DCAF8L2: variants seen among roughly 807,000 people sequenced by gnomAD.
DCAF8L2 encodes the protein DDB1 and CUL4 associated factor 8 like 2.
For missense variants in DCAF8L2, 430 were observed against 490.7 expected (o/e 0.88, Z 1.17); for synonymous variants, 200 against 190.9 (o/e 1.05, Z -0.39).
rs749058247 is a variant in DCAF8L2, at chrX:27,679,701, A to G, written c.-143+1789A>G. 4.5e-5 allele frequency among the ~76,000 whole-genome samples: 5 copies of G among 111,349 alleles called. No homozygotes were observed. The East Asian group carries it at 1.4e-3, about 32-fold the overall frequency. ...CTACAGAAGTCTTGGGTCCTCATCC[A>G]CTATTCTTCTTTCAAGGTTTATAGT... On this transcript the variant is annotated intron_variant, in intron 3 of 4. Coordinates refer to ENST00000451261, the MANE Select transcript of DCAF8L2 (RefSeq NM_001353450.2).
chrX:27,509,248 G>T, the DCAF8L2 span, among the ~76,000 whole-genome samples: 1 of 111,415 alleles, frequency 9.0e-6, no homozygotes, highest in African/African-American at 3.3e-5. Flanking sequence ...CCAGAGCTGA[G>T]ATTTCAACAT....
At chrX:27,693,092 G>T (rs925056931) in intron 3 of DCAF8L2, among the ~76,000 whole-genome samples, 4 of 112,030 alleles carry the variant, frequency 3.6e-5, no homozygotes, top group Non-Finnish European at 7.5e-5. Context: ...AGAAAAGCCT[G>T]TATCATTTTA....
chrX:27,525,076 G>A, the DCAF8L2 span, among the ~76,000 whole-genome samples: 1 of 111,472 alleles, frequency 9.0e-6, no homozygotes, highest in East Asian at 2.8e-4. Context: ...CTCAATTCCT[G>A]GAAATCCTTG....
the DCAF8L2 span, among the ~76,000 whole-genome samples, chrX:27,528,476 GTATA>G: frequency 5.7e-3 from 478 of 83,418 alleles, 4 homozygotes; most frequent in Middle Eastern, 0.028. Flanking sequence ...ATGTGTATGT[GTATA>G]TATATATATA....
intron 4 of DCAF8L2, among the ~76,000 whole-genome samples, chrX:27,716,551 T>C (rs770896605): frequency 5.4e-5 from 6 of 111,985 alleles, no homozygotes; most frequent in Non-Finnish European, 1.1e-4. Flanking sequence ...ATCTTCACTT[T>C]TGTAAGAGTT....
At chrX:27,630,611 A>G (rs1928245649) in intron 1 of DCAF8L2, among the ~76,000 whole-genome samples, 1 of 112,241 alleles carries the variant, frequency 8.9e-6, no homozygotes, top group Non-Finnish European at 1.9e-5. Context: ...TAGATTCAAA[A>G]ATCCTCAAAA....
chrX:27,484,184 G>T, the DCAF8L2 span, among the ~76,000 whole-genome samples: 1 of 111,562 alleles, frequency 9.0e-6, no homozygotes, highest in Non-Finnish European at 1.9e-5. Flanking sequence ...CAGCAAAAAA[G>T]CAAAAATGCT....
chrX:27,704,317 C>T (rs1321970651), intron 3 of DCAF8L2, among the ~76,000 whole-genome samples: 1 of 106,352 alleles, frequency 9.4e-6, no homozygotes, highest in Admixed American at 1.0e-4. Context: ...TATATATATA[C>T]ACAATGGAAT....
At chrX:27,628,349 T>A (rs1267168492) in intron 1 of DCAF8L2, among the ~76,000 whole-genome samples, 2 of 112,005 alleles carry the variant, frequency 1.8e-5, no homozygotes, top group African/African-American at 6.5e-5. Context: ...CCACTTGGGT[T>A]TTTTCCATAT....
At chrX:27,488,455 T>C in the DCAF8L2 span, among the ~76,000 whole-genome samples, 1 of 111,054 alleles carries the variant, frequency 9.0e-6, no homozygotes, top group Non-Finnish European at 1.9e-5. Flanking sequence ...TTGCACTTTC[T>C]TGATGTATGC....
At chrX:27,489,474 T>C in the DCAF8L2 span, among the ~76,000 whole-genome samples, 1 of 112,795 alleles carries the variant, frequency 8.9e-6, no homozygotes, top group Non-Finnish European at 1.9e-5. Flanking sequence ...AATAGTAAAC[T>C]TTTTAATCCA....
chrX:27,713,677 G>A (rs1454003124), intron 3 of DCAF8L2, among the ~76,000 whole-genome samples: 2 of 111,674 alleles, frequency 1.8e-5, no homozygotes, highest in Non-Finnish European at 3.8e-5. Context: ...GTTGGCAAAC[G>A]TTTTCTCTAA....
intron 4 of DCAF8L2, among the ~76,000 whole-genome samples, chrX:27,733,566 T>G (rs1381927955): frequency 1.8e-5 from 2 of 112,030 alleles, no homozygotes; most frequent in Non-Finnish European, 3.8e-5. Context: ...TTTTGTTGCT[T>G]GAGCTTGTAG....
At chrX:27,682,175 G>C (rs1930352406) in intron 3 of DCAF8L2, among the ~76,000 whole-genome samples, 1 of 111,275 alleles carries the variant, frequency 9.0e-6, no homozygotes. Context: ...ATATTGCTCA[G>C]GCTGGTCTCA....
chrX:27,580,400 AT>A, the DCAF8L2 span, among the ~76,000 whole-genome samples: 3 of 111,456 alleles, frequency 2.7e-5, no homozygotes, highest in Non-Finnish European at 5.7e-5. Context: ...GAGTAAAGCT[AT>A]TTCCCCCTTC....
At chrX:27,618,799 G>A (rs751631569) in intron 1 of DCAF8L2, among the ~76,000 whole-genome samples, 1 of 111,532 alleles carries the variant, frequency 9.0e-6, no homozygotes, top group African/African-American at 3.2e-5. Flanking sequence ...TAGTGGAAAA[G>A]TGAGAGGCAA....
At chrX:27,526,035 T>A in the DCAF8L2 span, among the ~76,000 whole-genome samples, 1 of 111,588 alleles carries the variant, frequency 9.0e-6, no homozygotes, top group Non-Finnish European at 1.9e-5. Context: ...AGTGTCTTTG[T>A]GGCATTCTCT....
At chrX:27,549,470 G>A in the DCAF8L2 span, among the ~76,000 whole-genome samples, 1 of 111,574 alleles carries the variant, frequency 9.0e-6, no homozygotes, top group South Asian at 3.7e-4. Flanking sequence ...GGAAATGTGA[G>A]TGAACTCTTT....
chrX:27,668,986 A>G (rs1247111370), intron 2 of DCAF8L2, among the ~76,000 whole-genome samples: 1 of 110,820 alleles, frequency 9.0e-6, no homozygotes, highest in Non-Finnish European at 1.9e-5. Context: ...TCAGACAGAC[A>G]TAGGTACTGG....
Sources: allele counts gnomAD v4.1 joint callset (sites outside exome capture counted in the v4.1 genomes callset), GRCh38; gene constraint gnomAD v4.1.1; transcripts MANE v1.5; gene names NCBI Gene and HGNC (gene_info 2026-07-23, HGNC 2026-07-21).